C4orf36: variants seen among roughly 807,000 people sequenced by gnomAD.
C4orf36 encodes the protein uncharacterized protein C4orf36.
A neutral mutation model predicts 12.2 loss-of-function variants in C4orf36; 11 were observed. The observed-to-expected ratio is 0.90, with a 90% CI of 0.57 to 1.49. C4orf36 has a LOEUF of 1.49. Among genes scored for constraint, C4orf36 ranks in the 40% most tolerant of loss-of-function variants. The pLI, the probability that C4orf36 is intolerant of heterozygous loss-of-function variation, is 0.00. For missense variants in C4orf36, 137 were observed against 133.9 expected (o/e 1.02, Z -0.11); for synonymous variants, 54 against 51.3 (o/e 1.05, Z -0.22).
the C4orf36 span, chr4:86,935,697 CGTG>C: frequency 2.0e-5 from 3 of 152,048 alleles, no homozygotes; most frequent in African/African-American, 7.3e-5. Context: ...CTGTGCCTGT[CGTG>C]GAGAGAGATG....
chr4:86,893,481 G>A (rs1261636424), upstream of C4orf36, among the ~76,000 whole-genome samples: 4 of 151,950 alleles, frequency 2.6e-5, no homozygotes, highest in South Asian at 6.2e-4. Flanking sequence ...AGCTATTCAG[G>A]AGGCTCAGAC....
the C4orf36 span, among the ~76,000 whole-genome samples, chr4:86,923,750 T>G: frequency 2.1e-5 from 3 of 140,542 alleles, no homozygotes; most frequent in Admixed American, 1.5e-4. Context: ...GCAACAAGAG[T>G]GAGACTCTGT....
the C4orf36 span, among the ~76,000 whole-genome samples, chr4:86,906,728 CAAAAAAAAA>C: frequency 5.8e-4 from 46 of 78,820 alleles, no homozygotes; most frequent in South Asian, 1.1e-3. Context: ...AAGACGGTCT[CAAAAAAAAA>C]AAAAAAAAAA....
At chr4:86,919,317 T>TCCC in the C4orf36 span, among the ~76,000 whole-genome samples, 1 of 21,524 alleles carries the variant, frequency 4.6e-5, no homozygotes, top group East Asian at 1.3e-3. Flanking sequence ...TTTTCCCCCT[T>TCCC]TTTTTTTTTT....
intron 2 of C4orf36, 95 bp from the exon 3 acceptor site, chr4:86,888,370 C>T: frequency 7.7e-7 from 1 of 1,295,790 alleles, no homozygotes; most frequent in Middle Eastern, 1.9e-4. Context: ...CCATTTGCCA[C>T]TAGACATTTT....
At chr4:86,914,261 A>G in the C4orf36 span, 1 of 1,602,806 alleles carries the variant, frequency 6.2e-7, no homozygotes, top group Non-Finnish European at 8.5e-7. Flanking sequence ...GACTCCAGAC[A>G]TAGGCATTGT....
At chr4:86,877,799 C>A (rs1443621114) in intron 4 of C4orf36, among the ~76,000 whole-genome samples, 1 of 152,100 alleles carries the variant, frequency 6.6e-6, no homozygotes, top group African/African-American at 2.4e-5. Flanking sequence ...GGATTATAAC[C>A]CCCAGGATGC....
intron 4 of C4orf36, among the ~76,000 whole-genome samples, chr4:86,881,032 CA>C (rs35264730): frequency 0.4 from 41,389 of 102,902 alleles, 5,067 homozygotes; most frequent in Admixed American, 0.43. Flanking sequence ...GATTCCGCCT[CA>C]AAAAAAAAAA....
At chr4:86,902,937 A>C in the C4orf36 span, among the ~76,000 whole-genome samples, 1 of 152,224 alleles carries the variant, frequency 6.6e-6, no homozygotes, top group Non-Finnish European at 1.5e-5. Flanking sequence ...AACAGTGAAT[A>C]TCATGAAAGA....
At chr4:86,904,811 G>A in the C4orf36 span, among the ~76,000 whole-genome samples, 1 of 152,088 alleles carries the variant, frequency 6.6e-6, no homozygotes, top group Admixed American at 6.5e-5. Flanking sequence ...CAAAAGAGAA[G>A]CTACAAAGCA....
chr4:86,913,317 A>G, the C4orf36 span: 2 of 774,076 alleles, frequency 2.6e-6, no homozygotes, highest in Non-Finnish European at 4.5e-6. Flanking sequence ...TCATGGCTCC[A>G]CCGATGTCAG....
upstream of C4orf36, among the ~76,000 whole-genome samples, chr4:86,894,155 C>A (rs751270317): frequency 1.3e-5 from 2 of 152,106 alleles, no homozygotes; most frequent in Non-Finnish European, 2.9e-5. Context: ...CCTCGGCCTC[C>A]CAAAGTGCTG....
the C4orf36 span, among the ~76,000 whole-genome samples, chr4:86,912,559 C>T: frequency 7.1e-4 from 108 of 152,156 alleles, no homozygotes; most frequent in Non-Finnish European, 1.4e-3. Context: ...CAATGCCTGC[C>T]TATATATCCA....
In C4orf36 at chr4:86,888,265, A is replaced by T. The variant is rs756737121; in HGVS notation, c.76T>A (p.Trp26Arg). ...RGSCYNVQEP[W>R]DIALLAKTWS... is the part of the protein sequence containing the mutation. ...GTCTTTGCAAGCAATGCAATATCCCAAGGTTCCTGTCTGGGGCAAAAATTC... is the reference window on the plus strand; with the variant it reads ...GTCTTTGCAAGCAATGCAATATCCCTAGGTTCCTGTCTGGGGCAAAAATTC... Residue 26 changes from tryptophan (W) to arginine (R), a missense_variant, in exon 3 of 5, where the codon TGG (tryptophan) becomes AGG (arginine). Coordinates refer to ENST00000295898, the MANE Select transcript of C4orf36 (RefSeq NM_144645.4). 3.1e-6 allele frequency: 5 copies of T among 1,613,418 alleles called. No individual in the cohort carries two copies.
chr4:86,885,475 T>C (rs1024607501), intron 4 of C4orf36, among the ~76,000 whole-genome samples: 2 of 152,228 alleles, frequency 1.3e-5, no homozygotes, highest in African/African-American at 4.8e-5. Flanking sequence ...GAATGGGAGT[T>C]CATTCACGAT....
At chr4:86,934,646 C>G in the C4orf36 span, 2 of 152,226 alleles carry the variant, frequency 1.3e-5, no homozygotes, top group African/African-American at 4.8e-5. Context: ...GGCACAGAAT[C>G]TGTTTCAATA....
the C4orf36 span, among the ~76,000 whole-genome samples, chr4:86,932,937 AGAT>A: frequency 6.6e-6 from 1 of 152,344 alleles, no homozygotes; most frequent in African/African-American, 2.4e-5. Context: ...CTTGTAAGGA[AGAT>A]GATGGAGGAA....
chr4:86,897,034 C>T (rs75171169), upstream of C4orf36, among the ~76,000 whole-genome samples: 1,032 of 152,202 alleles, frequency 6.8e-3, 15 homozygotes, highest in African/African-American at 0.023. Context: ...CTAATACTTT[C>T]CCTAGTACAG....
At chr4:86,885,589 A>G (rs1747156661) in intron 4 of C4orf36, among the ~76,000 whole-genome samples, 1 of 152,204 alleles carries the variant, frequency 6.6e-6, no homozygotes, top group Non-Finnish European at 1.5e-5. Flanking sequence ...CAGCTTAAGG[A>G]GATTTTGGGC....
Sources: allele counts gnomAD v4.1 joint callset (sites outside exome capture counted in the v4.1 genomes callset), GRCh38; gene constraint gnomAD v4.1.1; transcripts MANE v1.5; gene names NCBI Gene and HGNC (gene_info 2026-07-23, HGNC 2026-07-21).